The following DPF3 variants were observed in gnomAD, a reference collection of about 807,000 sequenced individuals.
The protein encoded by DPF3 is zinc finger protein DPF3.
In DPF3, 18 loss-of-function variants were observed where a neutral mutation model predicts 56.8. The observed-to-expected ratio is 0.32, with a 90% CI of 0.22 to 0.47. DPF3 has a LOEUF of 0.47. Among genes scored for constraint, DPF3 ranks in the 20% least tolerant of loss-of-function variants. The pLI is 1.00. For missense variants in DPF3, 403 were observed against 488.8 expected (o/e 0.82, Z 1.65); for synonymous variants, 188 against 180.2 (o/e 1.04, Z -0.35).
intron 1 of DPF3, among the ~76,000 whole-genome samples, chr14:72,847,117 G>A (rs1432970428): frequency 6.6e-6 from 1 of 152,188 alleles, no homozygotes; most frequent in Admixed American, 6.5e-5. Flanking sequence ...GGTGAATCCA[G>A]GAGGGATTCC....
chr14:72,793,644 C>T (rs1362544209), intron 1 of DPF3, among the ~76,000 whole-genome samples: 3 of 152,154 alleles, frequency 2.0e-5, no homozygotes, highest in Admixed American at 6.5e-5. Flanking sequence ...CCAGCTGGGC[C>T]ATGTAGAGCA....
intron 1 of DPF3, among the ~76,000 whole-genome samples, chr14:72,852,212 G>A (rs964800399): frequency 6.6e-6 from 1 of 152,152 alleles, no homozygotes; most frequent in African/African-American, 2.4e-5. Context: ...TCTTGGGTGC[G>A]CCCCTCAAGG....
chr14:72,773,315 G>A (rs1446858330), intron 1 of DPF3, among the ~76,000 whole-genome samples: 1 of 152,020 alleles, frequency 6.6e-6, no homozygotes, highest in East Asian at 1.9e-4. Flanking sequence ...TATATTTTTA[G>A]TAGAGACAGA....
chr14:72,722,747 C>T (rs1889230241), intron 5 of DPF3, among the ~76,000 whole-genome samples: 1 of 152,232 alleles, frequency 6.6e-6, no homozygotes, highest in Non-Finnish European at 1.5e-5. Context: ...TTGTCACATG[C>T]CCTTGCAGAC....
chr14:72,646,630 A>G (rs1188136511), intron 8 of DPF3, among the ~76,000 whole-genome samples: 1 of 152,146 alleles, frequency 6.6e-6, no homozygotes, highest in African/African-American at 2.4e-5. Flanking sequence ...AATCTCCCTG[A>G]AGACCTTTCT....
At chr14:72,724,532 G>T (rs1889313389) in intron 4 of DPF3, among the ~76,000 whole-genome samples, 1 of 151,854 alleles carries the variant, frequency 6.6e-6, no homozygotes, top group Non-Finnish European at 1.5e-5. Context: ...TCCATGTAGG[G>T]GCCTAAGCAC....
intron 1 of DPF3, among the ~76,000 whole-genome samples, chr14:72,889,890 ATG>A (rs1428521333): frequency 6.6e-6 from 1 of 152,252 alleles, no homozygotes; most frequent in East Asian, 1.9e-4. Context: ...AATCACGTAT[ATG>A]TGTGTGTTCA....
chr14:72,770,402 C>T (rs1891472807), intron 2 of DPF3, among the ~76,000 whole-genome samples: 1 of 152,164 alleles, frequency 6.6e-6, no homozygotes, highest in Non-Finnish European at 1.5e-5. Context: ...GTAGGGTTCC[C>T]ATTTGGATCC....
intron 8 of DPF3, among the ~76,000 whole-genome samples, chr14:72,657,271 T>C (rs780349596): frequency 3.9e-5 from 6 of 152,210 alleles, no homozygotes; most frequent in African/African-American, 9.6e-5. Flanking sequence ...ATTTGTCTCA[T>C]ACAGATGAAA....
intron 1 of DPF3, among the ~76,000 whole-genome samples, chr14:72,877,699 TC>T (rs1477806596): frequency 6.6e-6 from 1 of 152,060 alleles, no homozygotes; most frequent in Non-Finnish European, 1.5e-5. Context: ...ACAAACAATG[TC>T]CCCCTGGTGT....
chr14:72,854,420 A>G (rs1885102390), intron 1 of DPF3, among the ~76,000 whole-genome samples: 1 of 152,212 alleles, frequency 6.6e-6, no homozygotes, highest in Non-Finnish European at 1.5e-5. Context: ...TGAATTTTTC[A>G]TGGGCCATCA....
intron 2 of DPF3, among the ~76,000 whole-genome samples, chr14:72,766,638 G>A (rs1196773264): frequency 2.6e-5 from 4 of 152,152 alleles, no homozygotes; most frequent in African/African-American, 9.7e-5. Context: ...TTTTTATAGA[G>A]ACAAGGTCTC....
chr14:72,884,954 A>ATATATATATATATATATATG, intron 1 of DPF3, among the ~76,000 whole-genome samples: 1 of 87,860 alleles, frequency 1.1e-5, no homozygotes, highest in Non-Finnish European at 2.5e-5. Context: ...ATATATATAT[A>ATATATATATATATATATATG]TATATATATA....
At chr14:72,652,141 G>T (rs930835581) in intron 8 of DPF3, among the ~76,000 whole-genome samples, 8 of 152,216 alleles carry the variant, frequency 5.3e-5, no homozygotes, top group Non-Finnish European at 1.0e-4. Context: ...GGGGTAACGT[G>T]GAATTGACTC....
rs1423875052 is a variant in DPF3 at position 72,615,649 on chromosome 14, C to A, written c.*3648G>T. 6.6e-6 allele frequency among the ~76,000 whole-genome samples: 1 copy of A among 152,210 alleles called. No homozygotes were observed. Among genetic ancestry groups the A allele is most frequent in the Admixed American group, 6.5e-5 (1 of 15,288 alleles). On this transcript the variant is annotated 3_prime_UTR_variant, in exon 11 of 11. Transcript: ENST00000556509. ...TCTTCCCTGGTTCCAGTCGGCTGGG[C>A]TCAGCCTGCCCAGGCTTCCGGCTTC... is the stretch of plus-strand genomic sequence containing the variant.
intron 8 of DPF3, among the ~76,000 whole-genome samples, chr14:72,665,462 T>A (rs184118919): frequency 5.6e-4 from 85 of 152,286 alleles, no homozygotes; most frequent in Middle Eastern, 3.4e-3. Flanking sequence ...AGTAATGGGG[T>A]AAATCAATCA....
chr14:72,698,611 C>T (rs1232907782), intron 6 of DPF3, among the ~76,000 whole-genome samples: 1 of 152,178 alleles, frequency 6.6e-6, no homozygotes, highest in Non-Finnish European at 1.5e-5. Context: ...CACTTGAGCC[C>T]AGGAAGCAGA....
intron 7 of DPF3, among the ~76,000 whole-genome samples, chr14:72,687,610 T>C (rs1266112245): frequency 6.6e-6 from 1 of 152,154 alleles, no homozygotes; most frequent in Admixed American, 6.5e-5. Flanking sequence ...AGACTTCCAA[T>C]TGTCTGAATG....
chr14:72,764,187 G>A (rs1891169740), intron 2 of DPF3, among the ~76,000 whole-genome samples: 1 of 152,128 alleles, frequency 6.6e-6, no homozygotes, highest in Admixed American at 6.5e-5. Flanking sequence ...TCCCACCTCT[G>A]ACCTCCAGGA....
Sources: allele counts gnomAD v4.1 joint callset (sites outside exome capture counted in the v4.1 genomes callset), GRCh38; gene constraint gnomAD v4.1.1; transcripts MANE v1.5; gene names NCBI Gene and HGNC (gene_info 2026-07-23, HGNC 2026-07-21).